Variants in CFAP61 observed in about 807,000 individuals in gnomAD.
CFAP61 encodes cilia- and flagella-associated protein 61.
CFAP61 carries 107 observed loss-of-function variants against 135.6 expected under a neutral mutation model. That is an observed-to-expected ratio of 0.79 (90% confidence interval 0.67 to 0.93). The LOEUF (loss-of-function observed/expected upper bound fraction) is 0.93, where lower values mean the gene tolerates loss of function less well. Among genes scored for constraint, CFAP61 ranks in the 40% least tolerant of loss-of-function variants. CFAP61 has a pLI of 0.00. For missense variants in CFAP61, 1,507 were observed against 1,556.2 expected (o/e 0.97, Z 0.53); for synonymous variants, 575 against 578.5 (o/e 0.99, Z 0.09).
chr20:20,144,908 C>T (rs1315116728), intron 9 of CFAP61, among the ~76,000 whole-genome samples: 1 of 151,988 alleles, frequency 6.6e-6, no homozygotes, highest in African/African-American at 2.4e-5. Flanking sequence ...TAAACTCCAC[C>T]CTAGAATTTT....
In CFAP61 at chr20:20,112,447, A is replaced by G. The variant is rs151060868; in HGVS notation, c.859+13633A>G. On this transcript the variant is annotated intron_variant, in intron 8 of 26. Transcript: ENST00000245957. ...AACATATCTAATTTTATTTTATTTT[A>G]TTTTTTCATTTTTCCATCACTCCCT... Among the ~76,000 whole-genome samples the G allele has an allele frequency of 6.8e-4, 104 of 152,032 alleles. 1 individual carries two copies. The highest frequency in any genetic ancestry group is 2.4e-3 in the African/African-American group (98 of 41,494).
At chr20:20,237,600 T>C (rs1459136475) in intron 18 of CFAP61, among the ~76,000 whole-genome samples, 1 of 152,218 alleles carries the variant, frequency 6.6e-6, no homozygotes, top group Non-Finnish European at 1.5e-5. Flanking sequence ...TTTGTGGCCA[T>C]GGATGCAGCT....
chr20:20,324,713 C>T (rs2057680480), intron 25 of CFAP61, among the ~76,000 whole-genome samples: 1 of 152,242 alleles, frequency 6.6e-6, no homozygotes, highest in South Asian at 2.1e-4. Flanking sequence ...TTTTTCTCCC[C>T]ATGCTCATGA....
At position 20,090,947 on chromosome 20, in the gene CFAP61, G is replaced by A; in HGVS notation, c.670G>A (p.Asp224Asn). 1.9e-6 allele frequency: 3 copies of A among 1,614,158 alleles called. No individual in the cohort carries two copies. The highest frequency in any genetic ancestry group is 2.5e-6 in the Non-Finnish European group (3 of 1,180,012). ...YFLAELIEAQ[D>N]EENHAVVCEV... ...CCTGGCCGAACTAATAGAGGCCCAA[G>A]ATGAAGAGAATCATGCTGTTGTGTG... Residue 224 changes from aspartate (D) to asparagine (N), a missense_variant, in exon 7 of 27, where the codon GAT (aspartate) becomes AAT (asparagine). Physicochemically the swap from Asp to Asn is conservative, Grantham distance 23. Transcript: ENST00000245957.
At chr20:20,125,804 G>A (rs1242983777) in intron 8 of CFAP61, among the ~76,000 whole-genome samples, 5 of 151,810 alleles carry the variant, frequency 3.3e-5, no homozygotes, top group African/African-American at 9.7e-5. Flanking sequence ...GTCCAGTGCT[G>A]TCAGTGGAGA....
In CFAP61 at chr20:20,301,446, G is replaced by A. The variant is rs566663406; in HGVS notation, c.3422+3060G>A. Among the ~76,000 whole-genome samples the A allele has an allele frequency of 1.1e-4, 16 of 151,968 alleles. No individual in the cohort carries two copies. In the South Asian group the frequency reaches 2.3e-3, roughly 22 times the overall value. ...GTGTTTCTCAGGACCTATTCCCATCGTTAAGTGACACATGACTGTCGTTAT... is the reference window on the plus strand; with the variant it reads ...GTGTTTCTCAGGACCTATTCCCATCATTAAGTGACACATGACTGTCGTTAT... On this transcript the variant is annotated intron_variant, in intron 25 of 26. Transcript: ENST00000245957.
At chr20:20,084,698 C>G (rs1272820144) in intron 6 of CFAP61, among the ~76,000 whole-genome samples, 2 of 152,172 alleles carry the variant, frequency 1.3e-5, no homozygotes, top group Non-Finnish European at 2.9e-5. Flanking sequence ...CTAGCAAGCT[C>G]AGCTAACCGA....
At chr20:20,200,047 C>G in intron 17 of CFAP61, 145 bp downstream of exon 17, 1 of 948,126 alleles carries the variant, frequency 1.1e-6, no homozygotes, top group Non-Finnish European at 1.6e-6. Context: ...CGGAGCCCCG[C>G]GAAGGCTCCC....
At chr20:20,094,835 A>C (rs186595824) in intron 7 of CFAP61, 1 of 152,290 alleles carries the variant, frequency 6.6e-6, no homozygotes, top group Non-Finnish European at 1.5e-5. Context: ...GAAGTGAGCC[A>C]TGTCTGATGT....
intron 8 of CFAP61, among the ~76,000 whole-genome samples, chr20:20,141,803 C>T (rs754523852): frequency 2.6e-5 from 4 of 152,148 alleles, no homozygotes; most frequent in Non-Finnish European, 5.9e-5. Flanking sequence ...TGCTCTGGCT[C>T]TGCAGTGTCT....
intron 8 of CFAP61, among the ~76,000 whole-genome samples, chr20:20,106,038 A>T (rs2048382238): frequency 1.4e-5 from 1 of 73,986 alleles, no homozygotes; most frequent in African/African-American, 7.1e-5. Context: ...ATATATATAT[A>T]TATATATATA....
intron 6 of CFAP61, among the ~76,000 whole-genome samples, chr20:20,090,114 C>G (rs1185401324): frequency 6.6e-6 from 1 of 152,172 alleles, no homozygotes; most frequent in Non-Finnish European, 1.5e-5. Flanking sequence ...TTGGGAAGTG[C>G]TGCCCCTAGT....
intron 26 of CFAP61, among the ~76,000 whole-genome samples, chr20:20,345,880 C>T (rs1337333943): frequency 7.8e-6 from 1 of 128,636 alleles, no homozygotes; most frequent in African/African-American, 2.7e-5. Context: ...TGAGATTGTG[C>T]CACTTTTTTT....
intron 9 of CFAP61, among the ~76,000 whole-genome samples, chr20:20,147,913 A>C (rs916136395): frequency 6.6e-6 from 1 of 152,046 alleles, no homozygotes; most frequent in Non-Finnish European, 1.5e-5. Flanking sequence ...AATCCATATT[A>C]TGTTGATTTT....
intron 6 of CFAP61, chr20:20,085,500 A>T (rs369642550): frequency 7.3e-7 from 1 of 1,366,530 alleles, no homozygotes; most frequent in East Asian, 4.5e-5. Context: ...CAAGATTTGG[A>T]TGTTTTTCTA....
intron 20 of CFAP61, among the ~76,000 whole-genome samples, chr20:20,255,941 G>T (rs1272913576): frequency 6.6e-6 from 1 of 152,182 alleles, no homozygotes; most frequent in Non-Finnish European, 1.5e-5. Flanking sequence ...GTGCCTCCTG[G>T]ATTGTGGCAG....
At chr20:20,334,454 A>C (rs1278219528) in intron 25 of CFAP61, among the ~76,000 whole-genome samples, 1 of 152,212 alleles carries the variant, frequency 6.6e-6, no homozygotes, top group African/African-American at 2.4e-5. Flanking sequence ...ATTCCCAGGT[A>C]AACCAGGATC....
rs759021539 is a variant in CFAP61 at position 20,360,415 on chromosome 20, A to G, written c.*5A>G. 5.0e-6 allele frequency: 8 copies of G among 1,613,170 alleles called. No homozygotes were observed. Among genetic ancestry groups the G allele is most frequent in the Non-Finnish European group, 6.8e-6 (8 of 1,179,536 alleles). On this transcript the variant is annotated 3_prime_UTR_variant, in exon 27 of 27. Transcript: ENST00000245957. ...GCGTGGCCAGGCATCGTTTAGTTGTAGGCAGGGTCTCCCCTTTATGGTTTT... is the reference window on the plus strand; with the variant it reads ...GCGTGGCCAGGCATCGTTTAGTTGTGGGCAGGGTCTCCCCTTTATGGTTTT...
intron 8 of CFAP61, among the ~76,000 whole-genome samples, chr20:20,124,474 T>C (rs895934565): frequency 2.6e-5 from 4 of 151,926 alleles, no homozygotes; most frequent in Admixed American, 1.3e-4. Context: ...TTCAAATGCT[T>C]TTTCTGCATC....
Sources: gnomAD v4.1 joint callset for allele counts (sites outside exome capture counted in the v4.1 genomes callset) on GRCh38, gnomAD v4.1.1 for gene constraint, MANE v1.5 for transcripts, NCBI Gene and HGNC (gene_info 2026-07-23, HGNC 2026-07-21) for gene names.